The following TEK variants were observed in gnomAD, a reference collection of about 807,000 sequenced individuals.
The protein encoded by TEK is angiopoietin-1 receptor.
In TEK, 43 loss-of-function variants were observed where a neutral mutation model predicts 131.8. That is an observed-to-expected ratio of 0.33 (90% CI 0.26 to 0.42). The LOEUF is 0.42. TEK is among the 10% of genes least tolerant of loss of function. The pLI, the probability that TEK is intolerant of heterozygous loss-of-function variation, is 1.00. For missense variants in TEK, 1,162 were observed against 1,384.4 expected (o/e 0.84, Z 2.55); for synonymous variants, 580 against 491.6 (o/e 1.18, Z -2.38).
At chr9:27,138,365 A>G (rs1027958785) in intron 1 of TEK, among the ~76,000 whole-genome samples, 6 of 152,086 alleles carry the variant, frequency 3.9e-5, no homozygotes, top group Non-Finnish European at 8.8e-5. Flanking sequence ...GGTCCTTTTT[A>G]CAGAGAGCTG....
chr9:27,183,440 T>C lies in TEK; in HGVS notation c.1031-19T>C, dbSNP rs776657899. 1.9e-6 allele frequency: 3 copies of C among 1,613,070 alleles called. No homozygotes were observed. In the African/African-American group the frequency reaches 4.0e-5, roughly 22 times the overall value. ...CTCTGTTAAATATTAGATTTCACAG[T>C]GCTGTTTTCTTCCTTCAGGCATACA... On this transcript the variant is annotated intron_variant, in intron 7 of 22. Coordinates refer to ENST00000380036, the MANE Select transcript of TEK (RefSeq NM_000459.5).
chr9:27,227,354 A>T lies in TEK; in HGVS notation c.3201-852A>T, dbSNP rs191876097. Among the ~76,000 whole-genome samples, 473 of 152,336 alleles carry T rather than the reference A, an allele frequency of 3.1e-3. 8 individuals carry two copies. Among genetic ancestry groups the T allele is most frequent in the South Asian group, 0.03 (146 of 4,828 alleles). On this transcript the variant is annotated intron_variant, in intron 21 of 22. Coordinates refer to ENST00000380036, the MANE Select transcript of TEK (RefSeq NM_000459.5). Reference sequence around the variant, plus strand: ...TGTTTTCACGTGTTGTGCAAGATATAAATACATGATGCAAGGGGAAAGGAG... The same window carrying T: ...TGTTTTCACGTGTTGTGCAAGATATTAATACATGATGCAAGGGGAAAGGAG...
intron 1 of TEK, among the ~76,000 whole-genome samples, chr9:27,144,198 C>G (rs1822831937): frequency 6.6e-6 from 1 of 152,104 alleles, no homozygotes; most frequent in Admixed American, 6.6e-5. Context: ...ATGAGAATCG[C>G]TTGAACCCAG....
At chr9:27,198,566 G>T (rs1825108226) in intron 12 of TEK, among the ~76,000 whole-genome samples, 1 of 152,210 alleles carries the variant, frequency 6.6e-6, no homozygotes, top group Non-Finnish European at 1.5e-5. Flanking sequence ...AAATTTCCAA[G>T]GTGCAGAATC....
intron 4 of TEK, 35 bp from the exon 5 acceptor site, chr9:27,172,581 T>G (rs1364057784): frequency 6.2e-7 from 1 of 1,612,126 alleles, no homozygotes; most frequent in Non-Finnish European, 8.5e-7. Context: ...GCGAATGCGC[T>G]CTACTCACCA....
chr9:27,191,599 AAAAG>A (rs898943756), intron 10 of TEK, among the ~76,000 whole-genome samples: 2 of 151,956 alleles, frequency 1.3e-5, no homozygotes, highest in Admixed American at 6.6e-5. Flanking sequence ...TGGAAAAAAA[AAAAG>A]AGAAGAGGAG....
In TEK at chr9:27,217,673, C is replaced by A; in HGVS notation, c.2992-15C>A. 1 of 1,613,362 alleles carries A rather than the reference C, an allele frequency of 6.2e-7. No homozygotes were observed. Among genetic ancestry groups the A allele is most frequent in the Non-Finnish European group, 8.5e-7 (1 of 1,179,376 alleles). ...CCTGTCCCAGTTAAGTGAAATCTCACTTTGTTCTCTCCAGGGAAGGCTCCC... is the reference window on the plus strand; with the variant it reads ...CCTGTCCCAGTTAAGTGAAATCTCAATTTGTTCTCTCCAGGGAAGGCTCCC... On this transcript the variant is annotated splice_polypyrimidine_tract_variant and intron_variant, in intron 18 of 22. Transcript: ENST00000380036.
chr9:27,146,658 G>C (rs1464345836), intron 1 of TEK, among the ~76,000 whole-genome samples: 3 of 151,774 alleles, frequency 2.0e-5, no homozygotes, highest in Non-Finnish European at 4.4e-5. Flanking sequence ...ATCCACTGAA[G>C]GATATTTGGG....
chr9:27,168,658 A>G (rs2131141302), intron 3 of TEK, 53 bp downstream of exon 3: 1 of 1,255,004 alleles, frequency 8.0e-7, no homozygotes, highest in Middle Eastern at 2.2e-4. Context: ...ATCAGATAAC[A>G]TACAACATAT....
In TEK at chr9:27,169,625, C is replaced by A; in HGVS notation, c.624C>A (p.Val208=). The A allele has an allele frequency of 6.2e-7, 1 of 1,613,998 alleles. No individual in the cohort carries two copies. The highest frequency in any genetic ancestry group is 8.5e-7 in the Non-Finnish European group (1 of 1,179,954). The part of the protein sequence containing the change: ...LFTSAFTRLI[V]RRCEAQKWGP... ...CCTCGGCCTTCACCAGGCTGATAGT[C>A]CGGAGTAAGTGATGGAGAGGCCACC... is the stretch of plus-strand genomic sequence containing the variant. The change falls in exon 4 of 23, where the codon GTC becomes GTA. Residue 208 remains valine (V), a synonymous_variant. Coordinates refer to ENST00000380036, the MANE Select transcript of TEK (RefSeq NM_000459.5).
chr9:27,119,651 C>G (rs1318043812), intron 1 of TEK, among the ~76,000 whole-genome samples: 2 of 152,064 alleles, frequency 1.3e-5, no homozygotes, highest in African/African-American at 4.8e-5. Context: ...TGTTGCTCAA[C>G]GAGCTGGCAA....
Position 27,137,404 on chromosome 9 carries a change from G to T in TEK, c.53-20427G>T, listed in dbSNP as rs185128523. On this transcript the variant is annotated intron_variant, in intron 1 of 22. Coordinates refer to ENST00000380036, the MANE Select transcript of TEK (RefSeq NM_000459.5). The stretch of plus-strand genomic sequence containing the variant: ...GGATTTTTGATTTTTCACATGTAAG[G>T]AGTAGTTTTCTTTTTTCAGCTATTT... 3.6e-3 allele frequency among the ~76,000 whole-genome samples: 551 copies of T among 152,228 alleles called. 2 individuals carry two copies. Among genetic ancestry groups the T allele is most frequent in the Middle Eastern group, 0.017 (5 of 294 alleles).
At chr9:27,142,712 C>A (rs529606624) in intron 1 of TEK, among the ~76,000 whole-genome samples, 1 of 152,194 alleles carries the variant, frequency 6.6e-6, no homozygotes. Flanking sequence ...CTGTGCCCAA[C>A]TTTGTTAGGA....
At chr9:27,224,119 A>T (rs769861372) in intron 21 of TEK, among the ~76,000 whole-genome samples, 4 of 152,216 alleles carry the variant, frequency 2.6e-5, no homozygotes, top group Admixed American at 6.5e-5. Flanking sequence ...GGCAGAATTA[A>T]TAGCTTACCT....
chr9:27,204,319 A>G (rs1365255552), intron 13 of TEK, among the ~76,000 whole-genome samples: 2 of 152,324 alleles, frequency 1.3e-5, no homozygotes, highest in African/African-American at 4.8e-5. Context: ...AGATTTGACC[A>G]TAGTCTTTAA....
intron 1 of TEK, among the ~76,000 whole-genome samples, chr9:27,112,810 G>A (rs750892661): frequency 3.3e-5 from 5 of 152,180 alleles, no homozygotes; most frequent in African/African-American, 7.2e-5. Context: ...TTCAAAATAG[G>A]TAAATGTCTG....
At chr9:27,229,042 A>C (rs1252803286) in intron 22 of TEK, 116 bp from the exon 23 acceptor site, 3 of 850,780 alleles carry the variant, frequency 3.5e-6, no homozygotes, top group Non-Finnish European at 6.1e-6. Context: ...AGTATCCCCC[A>C]AGTGCTTAGT....
chr9:27,158,266 C>T (rs548904927), intron 2 of TEK, 124 bp downstream of exon 2: 1 of 1,165,174 alleles, frequency 8.6e-7, no homozygotes, highest in East Asian at 2.4e-5. Flanking sequence ...GACGATCTTG[C>T]CTGTCTCTTT....
Position 27,109,657 on chromosome 9 carries a change from TA to T in TEK, c.52+16del. 1 of 1,613,714 alleles carries T rather than the reference TA, an allele frequency of 6.2e-7. No individual in the cohort carries two copies. The highest frequency in any genetic ancestry group is 8.5e-7 in the Non-Finnish European group (1 of 1,179,688). ...GCTCCTTTCTGGTAAGGTTTGGCTT[TA>T]TTTTTTTTAATTTAGTATTTTAAAA... is the stretch of plus-strand genomic sequence containing the variant. On this transcript the variant is annotated intron_variant, in intron 1 of 22. Coordinates refer to ENST00000380036, the MANE Select transcript of TEK (RefSeq NM_000459.5).
Sources: allele counts gnomAD v4.1 joint callset (sites outside exome capture counted in the v4.1 genomes callset), GRCh38; gene constraint gnomAD v4.1.1; transcripts MANE v1.5; gene names NCBI Gene and HGNC (gene_info 2026-07-23, HGNC 2026-07-21).